The following FBXL2 variants were observed in gnomAD, a reference collection of about 807,000 sequenced individuals.
FBXL2 encodes the protein F-box and leucine rich repeat protein 2.
FBXL2 carries 38 observed loss-of-function variants against 69.2 expected under a neutral mutation model. The observed-to-expected ratio is 0.55, with a 90% CI of 0.42 to 0.72. The LOEUF (loss-of-function observed/expected upper bound fraction) is 0.72, where lower values mean the gene tolerates loss of function less well. FBXL2 is among the 30% of genes least tolerant of loss of function. The pLI is 0.00. For missense variants in FBXL2, 354 were observed against 520.3 expected, an observed-to-expected ratio of 0.68 and a Z score of 3.11; for synonymous variants, 192 against 201.3, an observed-to-expected ratio of 0.95 and a Z score of 0.39.
chr3:33,384,946 T>C (rs551075950), intron 14 of FBXL2, among the ~76,000 whole-genome samples: 1 of 152,132 alleles, frequency 6.6e-6, no homozygotes, highest in Non-Finnish European at 1.5e-5. Flanking sequence ...GAGAATCGCT[T>C]GAACCCGGGA....
chr3:33,277,748 G>T (rs1161385175), intron 1 of FBXL2, among the ~76,000 whole-genome samples: 1 of 152,082 alleles, frequency 6.6e-6, no homozygotes, highest in Non-Finnish European at 1.5e-5. Flanking sequence ...GTTCCCTGCC[G>T]CTGGAGTCGG....
chr3:33,369,646 T>C (rs145997491), intron 5 of FBXL2, among the ~76,000 whole-genome samples: 1,971 of 152,228 alleles, frequency 0.013, 42 homozygotes, highest in African/African-American at 0.045. Context: ...ATAGTCTCAC[T>C]CTGTCACCCA....
At chr3:33,355,849 C>A (rs1390961470) in intron 2 of FBXL2, among the ~76,000 whole-genome samples, 1 of 152,156 alleles carries the variant, frequency 6.6e-6, no homozygotes, top group Non-Finnish European at 1.5e-5. Flanking sequence ...GACAGTATCC[C>A]AGGCTGTGTA....
intron 13 of FBXL2, among the ~76,000 whole-genome samples, chr3:33,380,535 G>A (rs1267045475): frequency 7.0e-6 from 1 of 143,362 alleles, no homozygotes; most frequent in Non-Finnish European, 1.5e-5. Flanking sequence ...TCCAGCCTGG[G>A]CAACAAGAGC....
At chr3:33,393,337 C>T in intron 12 of FBXL2, 1 of 1,607,788 alleles carries the variant, frequency 6.2e-7, no homozygotes, top group Middle Eastern at 1.7e-4. Flanking sequence ...AATGTGAATA[C>T]CGGTGGGACC....
At chr3:33,402,765 G>A in intron 12 of FBXL2, 1 of 1,428,468 alleles carries the variant, frequency 7.0e-7, no homozygotes, top group African/African-American at 1.4e-5. Context: ...ATGAGCATTA[G>A]TTAGCTGCAG....
At chr3:33,342,256 C>T (rs1033639252) in intron 2 of FBXL2, among the ~76,000 whole-genome samples, 1 of 151,718 alleles carries the variant, frequency 6.6e-6, no homozygotes, top group Non-Finnish European at 1.5e-5. Flanking sequence ...CCTCCCGCCT[C>T]AGCCTCCCAA....
At chr3:33,416,637 T>C in the FBXL2 span, 4 of 719,418 alleles carry the variant, frequency 5.6e-6, no homozygotes, top group African/African-American at 3.7e-5. Flanking sequence ...AAACAAAATA[T>C]AGCTCATAAA....
chr3:33,350,092 AAGG>A (rs1298673673), intron 2 of FBXL2, among the ~76,000 whole-genome samples: 1 of 152,212 alleles, frequency 6.6e-6, no homozygotes, highest in Admixed American at 6.5e-5. Flanking sequence ...TATTACAAAA[AAGG>A]AGAACTCAAG....
chr3:33,291,143 C>G (rs1010708964), intron 1 of FBXL2, among the ~76,000 whole-genome samples: 2 of 152,132 alleles, frequency 1.3e-5, no homozygotes, highest in Admixed American at 6.6e-5. Flanking sequence ...GTTACCCAGG[C>G]TGGTCTCAAA....
rs1387608995 is a variant in FBXL2 at position 33,335,332 on chromosome 3, A to G, written c.66-23635A>G. Among the ~76,000 whole-genome samples, 4 of 152,324 alleles carry G rather than the reference A, an allele frequency of 2.6e-5. No homozygotes were observed. In the East Asian group the frequency reaches 7.7e-4, roughly 29 times the overall value. ...TATGTAGGAAGGAATGAAGAACACC[A>G]TAAATGCTAAGTATGTGATAAATAT... On this transcript the variant is annotated intron_variant, in intron 2 of 14. Transcript: ENST00000484457.
the FBXL2 span, among the ~76,000 whole-genome samples, chr3:33,422,314 G>A: frequency 6.6e-6 from 1 of 152,092 alleles, no homozygotes; most frequent in South Asian, 2.1e-4. Flanking sequence ...CCTGAGGCAG[G>A]AGGACTGCTT....
In FBXL2 at chr3:33,384,246, C is replaced by T. The variant is rs576352629; in HGVS notation, c.1164+45C>T. ...GTCAGTCACACCTGACATTTCTAAG[C>T]ACCAAAGGAAAACATCAAGAATCAG... On this transcript the variant is annotated intron_variant, in intron 14 of 14. Transcript: ENST00000484457. 2.4e-5 allele frequency: 37 copies of T among 1,573,678 alleles called. No homozygotes were observed. In the South Asian group the frequency reaches 3.9e-4, roughly 17 times the overall value.
At chr3:33,302,956 G>T in intron 2 of FBXL2, 3 of 283,240 alleles carry the variant, frequency 1.1e-5, no homozygotes, top group Non-Finnish European at 1.5e-5. Flanking sequence ...GTTTTTGTTG[G>T]AATCATTAAG....
intron 2 of FBXL2, among the ~76,000 whole-genome samples, chr3:33,337,799 GT>G (rs1301492380): frequency 2.0e-5 from 3 of 152,146 alleles, no homozygotes; most frequent in Non-Finnish European, 4.4e-5. Flanking sequence ...ACAAAAGTCA[GT>G]AGCATTTCTG....
At chr3:33,319,390 G>A (rs143224730) in intron 2 of FBXL2, among the ~76,000 whole-genome samples, 2 of 152,292 alleles carry the variant, frequency 1.3e-5, no homozygotes, top group African/African-American at 2.4e-5. Context: ...GATGTATGAT[G>A]TAATATACAT....
At chr3:33,358,444 C>T (rs1217039992) in intron 2 of FBXL2, among the ~76,000 whole-genome samples, 2 of 152,182 alleles carry the variant, frequency 1.3e-5, no homozygotes, top group Non-Finnish European at 2.9e-5. Context: ...CCTCTTCCCG[C>T]CCCATCTTTC....
chr3:33,371,968 C>G (rs923899891), intron 5 of FBXL2, among the ~76,000 whole-genome samples: 1 of 152,162 alleles, frequency 6.6e-6, no homozygotes, highest in Non-Finnish European at 1.5e-5. Context: ...GGGCACTATT[C>G]CTTGCCCTCG....
intron 2 of FBXL2, among the ~76,000 whole-genome samples, chr3:33,324,687 G>C (rs1256003241): frequency 2.0e-5 from 3 of 152,168 alleles, no homozygotes; most frequent in Admixed American, 6.5e-5. Context: ...CCAGTACCAT[G>C]CTGTTTTGGT....
Sources: allele counts gnomAD v4.1 joint callset (sites outside exome capture counted in the v4.1 genomes callset), GRCh38; gene constraint gnomAD v4.1.1; transcripts MANE v1.5; gene names NCBI Gene and HGNC (gene_info 2026-07-23, HGNC 2026-07-21).